Variants in MACROD2 observed in about 807,000 individuals in gnomAD.
MACROD2 encodes ADP-ribose glycohydrolase MACROD2.
A neutral mutation model predicts 70.4 loss-of-function variants in MACROD2; 36 were observed. The ratio of observed to expected loss-of-function variants is 0.51; its 90% CI spans 0.39 to 0.68. MACROD2 has a LOEUF of 0.68. Among genes scored for constraint, MACROD2 ranks in the 30% least tolerant of loss-of-function variants. The probability of loss-of-function intolerance (pLI) is 0.00; values close to 1 mark genes in which losing one functional copy is unlikely to be tolerated. For missense variants in MACROD2, 496 were observed against 538.4 expected (o/e 0.92, Z 0.78); for synonymous variants, 172 against 178.8 (o/e 0.96, Z 0.30).
At chr20:15,846,002 G>A (rs1303565220) in intron 8 of MACROD2, among the ~76,000 whole-genome samples, 6 of 152,206 alleles carry the variant, frequency 3.9e-5, no homozygotes, top group Admixed American at 6.5e-5. Context: ...GGTTTTCCAC[G>A]TGGACTGGAT....
intron 6 of MACROD2, among the ~76,000 whole-genome samples, chr20:15,409,729 CTG>C (rs1486769647): frequency 6.6e-6 from 1 of 152,198 alleles, no homozygotes; most frequent in Non-Finnish European, 1.5e-5. Context: ...TGGGATTCTT[CTG>C]ATGGACTGCA....
chr20:15,004,779 T>A (rs868447156), intron 5 of MACROD2, among the ~76,000 whole-genome samples: 10 of 152,246 alleles, frequency 6.6e-5, no homozygotes, highest in African/African-American at 2.4e-4. Flanking sequence ...TGTTTACTGT[T>A]AAATGCAACT....
intron 12 of MACROD2, among the ~76,000 whole-genome samples, chr20:15,966,727 C>A (rs374171874): frequency 2.0e-5 from 3 of 152,010 alleles, no homozygotes; most frequent in Admixed American, 2.0e-4. Context: ...GGTAACAGAG[C>A]GAGAATCTGT....
chr20:14,526,076 G>T (rs1370003817), intron 4 of MACROD2, among the ~76,000 whole-genome samples: 1 of 152,148 alleles, frequency 6.6e-6, no homozygotes, highest in Non-Finnish European at 1.5e-5. Flanking sequence ...AAAATATCTT[G>T]CATGGCCCAG....
At chr20:15,240,405 T>A (rs375784659) in intron 6 of MACROD2, among the ~76,000 whole-genome samples, 265 of 152,204 alleles carry the variant, frequency 1.7e-3, no homozygotes, top group South Asian at 0.017. Flanking sequence ...ATTACACTTT[T>A]TATAAGATGG....
chr20:15,201,374 A>G (rs1444918633), intron 5 of MACROD2, among the ~76,000 whole-genome samples: 1 of 152,208 alleles, frequency 6.6e-6, no homozygotes, highest in Admixed American at 6.5e-5. Flanking sequence ...CTCCTCTAAC[A>G]TTCGCAGGAC....
intron 5 of MACROD2, among the ~76,000 whole-genome samples, chr20:15,010,600 A>G (rs775207973): frequency 3.9e-5 from 6 of 152,188 alleles, no homozygotes; most frequent in Admixed American, 6.5e-5. Context: ...TGAATCTTCT[A>G]TTTATTTTCT....
chr20:14,705,883 C>G (rs181227494), intron 5 of MACROD2, among the ~76,000 whole-genome samples: 1 of 151,990 alleles, frequency 6.6e-6, no homozygotes, highest in Non-Finnish European at 1.5e-5. Flanking sequence ...GATTTTCTTT[C>G]CTTCTCTTCC....
intron 2 of MACROD2, among the ~76,000 whole-genome samples, chr20:14,058,019 A>G (rs1300475049): frequency 1.3e-5 from 2 of 152,196 alleles, no homozygotes; most frequent in African/African-American, 4.8e-5. Flanking sequence ...AAAACTGGTT[A>G]TTAGACCTCA....
intron 8 of MACROD2, among the ~76,000 whole-genome samples, chr20:15,554,147 G>A (rs561396375): frequency 6.6e-6 from 1 of 152,194 alleles, no homozygotes; most frequent in Non-Finnish European, 1.5e-5. Context: ...AATAGATGAG[G>A]CTTAGTACTT....
At chr20:15,353,591 T>C (rs1032928201) in intron 6 of MACROD2, among the ~76,000 whole-genome samples, 2 of 151,880 alleles carry the variant, frequency 1.3e-5, no homozygotes, top group Admixed American at 6.6e-5. Flanking sequence ...AGAAAATTTT[T>C]GCAATCTACT....
At chr20:15,432,890 G>A (rs2046380792) in intron 7 of MACROD2, among the ~76,000 whole-genome samples, 1 of 151,990 alleles carries the variant, frequency 6.6e-6, no homozygotes, top group South Asian at 2.1e-4. Flanking sequence ...AAGTAGGGGG[G>A]TGGTGGGAAA....
chr20:14,932,804 G>A (rs2074307607), intron 5 of MACROD2, among the ~76,000 whole-genome samples: 2 of 152,074 alleles, frequency 1.3e-5, no homozygotes, highest in African/African-American at 4.8e-5. Context: ...CTGACCTCCT[G>A]ATCTGCCCGC....
At chr20:15,446,179 A>T (rs910491163) in intron 7 of MACROD2, among the ~76,000 whole-genome samples, 1 of 152,130 alleles carries the variant, frequency 6.6e-6, no homozygotes, top group Non-Finnish European at 1.5e-5. Flanking sequence ...AATCCTGTTT[A>T]TATGGACTAC....
intron 10 of MACROD2, among the ~76,000 whole-genome samples, chr20:15,902,220 C>T (rs910550719): frequency 6.6e-6 from 1 of 152,146 alleles, no homozygotes; most frequent in South Asian, 2.1e-4. Flanking sequence ...GCACTCATTC[C>T]ACATACTTTT....
At position 15,499,918 on chromosome 20, in the gene MACROD2, C is replaced by T; in HGVS notation, c.645+71C>T. The T allele has an allele frequency of 2.1e-6, 3 of 1,450,454 alleles. No homozygotes were observed. The South Asian group carries it at 3.5e-5, about 17-fold the overall frequency. The allele number at this position is 1,450,454 out of a possible 1,614,324, so 89.8% of individuals were successfully genotyped here. ...TGATGCTCAGTTCCCCCCAAAAAAG[C>T]ACATAAATTTTATAAATATCAACTA... On this transcript the variant is annotated intron_variant, in intron 8 of 17. Coordinates refer to ENST00000684519, the MANE Select transcript of MACROD2 (RefSeq NM_001351661.2).
intron 5 of MACROD2, among the ~76,000 whole-genome samples, chr20:14,715,449 T>C (rs540601313): frequency 1.5e-3 from 228 of 152,334 alleles, no homozygotes; most frequent in African/African-American, 5.3e-3. Context: ...TTGGCACTGA[T>C]TTTAAAAAAG....
intron 8 of MACROD2, among the ~76,000 whole-genome samples, chr20:15,714,908 AG>A (rs1467585203): frequency 2.0e-5 from 3 of 152,102 alleles, no homozygotes; most frequent in Non-Finnish European, 4.4e-5. Flanking sequence ...TCTTGTTTAA[AG>A]TTCCCCAGTT....
At chr20:15,135,515 C>CG (rs2076140046) in intron 5 of MACROD2, among the ~76,000 whole-genome samples, 1 of 140,890 alleles carries the variant, frequency 7.1e-6, no homozygotes, top group Non-Finnish European at 1.5e-5. Context: ...AATTCAACAA[C>CG]CCTTCATGCT....
Sources: gnomAD v4.1 joint callset for allele counts (sites outside exome capture counted in the v4.1 genomes callset) on GRCh38, gnomAD v4.1.1 for gene constraint, MANE v1.5 for transcripts, NCBI Gene and HGNC (gene_info 2026-07-23, HGNC 2026-07-21) for gene names.